The following PIAS1 variants were observed in gnomAD, a reference collection of about 807,000 sequenced individuals.
The protein encoded by PIAS1 is E3 SUMO-protein ligase PIAS1.
In PIAS1, 6 loss-of-function variants were observed where a neutral mutation model predicts 71.3. That is an observed-to-expected ratio of 0.08 (90% CI 0.05 to 0.17). The LOEUF (loss-of-function observed/expected upper bound fraction) is 0.17, where lower values mean the gene tolerates loss of function less well. PIAS1 is among the 10% of genes least tolerant of loss of function. The pLI is 1.00. For synonymous variants in PIAS1, 303 were observed against 292.9 expected (o/e 1.03, Z -0.35); for missense variants, 555 against 793.6 (o/e 0.70, Z 3.61).
intron 2 of PIAS1, among the ~76,000 whole-genome samples, chr15:68,140,993 G>C (rs2092766146): frequency 6.6e-6 from 1 of 152,194 alleles, no homozygotes; most frequent in South Asian, 2.1e-4. Context: ...GGGCTCATTA[G>C]TGAGCAAAAG....
chr15:68,143,933 C>A (rs778624749), intron 4 of PIAS1, among the ~76,000 whole-genome samples: 4 of 151,984 alleles, frequency 2.6e-5, no homozygotes, highest in African/African-American at 9.7e-5. Flanking sequence ...GTTTAAAAAC[C>A]GTAGCTTTAG....
intron 6 of PIAS1, among the ~76,000 whole-genome samples, chr15:68,150,321 G>A (rs1471263328): frequency 6.6e-6 from 1 of 151,944 alleles, no homozygotes; most frequent in Non-Finnish European, 1.5e-5. Flanking sequence ...CACTAGAGGA[G>A]GGGGGAAATA....
At chr15:68,060,485 C>A (rs1269132070) in intron 1 of PIAS1, among the ~76,000 whole-genome samples, 1 of 151,878 alleles carries the variant, frequency 6.6e-6, no homozygotes, top group African/African-American at 2.4e-5. Context: ...TGGTGGTGCG[C>A]ACCTGTAATC....
At chr15:68,126,247 C>T (rs1288259580) in intron 2 of PIAS1, among the ~76,000 whole-genome samples, 1 of 152,048 alleles carries the variant, frequency 6.6e-6, no homozygotes, top group Non-Finnish European at 1.5e-5. Context: ...CTCCTATTCC[C>T]AGACTAACCC....
chr15:68,182,496 T>TGTGTGTGG (rs2093061158), intron 12 of PIAS1, among the ~76,000 whole-genome samples: 1 of 149,264 alleles, frequency 6.7e-6, no homozygotes, highest in Non-Finnish European at 1.5e-5. Flanking sequence ...GCTGCGTGTG[T>TGTGTGTGG]GTGTGTGTGT....
At chr15:68,082,576 T>G (rs1326930376) in intron 1 of PIAS1, among the ~76,000 whole-genome samples, 2 of 152,142 alleles carry the variant, frequency 1.3e-5, no homozygotes, top group Non-Finnish European at 2.9e-5. Context: ...AGAGTAATCA[T>G]GATGTACTTT....
intron 2 of PIAS1, among the ~76,000 whole-genome samples, chr15:68,128,013 C>T (rs1196313543): frequency 6.6e-6 from 1 of 152,094 alleles, no homozygotes; most frequent in African/African-American, 2.4e-5. Flanking sequence ...GATCTGTGTG[C>T]CTCAGCCTCC....
chr15:68,117,154 A>G (rs2092572150), intron 2 of PIAS1, among the ~76,000 whole-genome samples: 1 of 152,004 alleles, frequency 6.6e-6, no homozygotes, highest in South Asian at 2.1e-4. Flanking sequence ...GTGGCATGAT[A>G]CTGTTTCACT....
At chr15:68,159,852 G>A (rs906629962) in intron 7 of PIAS1, among the ~76,000 whole-genome samples, 1 of 152,084 alleles carries the variant, frequency 6.6e-6, no homozygotes, top group Non-Finnish European at 1.5e-5. Flanking sequence ...ACCTAGGAGT[G>A]GGATTGCTGG....
intron 1 of PIAS1, among the ~76,000 whole-genome samples, chr15:68,071,911 G>A (rs1474069325): frequency 6.6e-6 from 1 of 151,894 alleles, no homozygotes; most frequent in African/African-American, 2.4e-5. Context: ...TCATGCTACT[G>A]CATTCCAACC....
At chr15:68,112,749 GCAA>G (rs1482968263) in intron 2 of PIAS1, among the ~76,000 whole-genome samples, 1 of 152,176 alleles carries the variant, frequency 6.6e-6, no homozygotes, top group African/African-American at 2.4e-5. Context: ...ATTTGGTTAT[GCAA>G]ATGAAAATTG....
In PIAS1 at chr15:68,193,609, G is replaced by C. The variant is rs1222356477; in HGVS notation, c.*5774G>C. On this transcript the variant is annotated 3_prime_UTR_variant, in exon 14 of 14. Transcript: ENST00000249636. ...AAGTCTCTTGGTAGATTGCCCTTAA[G>C]TCATCAGCTCAATCCTTCCTCAACA... 1 of 171,580 alleles carries C rather than the reference G, an allele frequency of 5.8e-6. No individual in the cohort carries two copies. Among genetic ancestry groups the C allele is most frequent in the African/African-American group, 2.4e-5 (1 of 42,020 alleles). 10.6% of individuals were successfully genotyped at this position (171,580 alleles called of 1,614,324 possible).
intron 1 of PIAS1, among the ~76,000 whole-genome samples, chr15:68,057,236 C>A (rs540545540): frequency 6.6e-6 from 1 of 152,100 alleles, no homozygotes; most frequent in Non-Finnish European, 1.5e-5. Context: ...ATTCTCTATG[C>A]ACATTTGTTT....
At chr15:68,152,660 T>C (rs1389026229) in intron 6 of PIAS1, among the ~76,000 whole-genome samples, 1 of 152,224 alleles carries the variant, frequency 6.6e-6, no homozygotes, top group Non-Finnish European at 1.5e-5. Flanking sequence ...AAGAATGCTT[T>C]GAAAAATGTG....
rs567702423 is a variant in PIAS1 at position 68,090,203 on chromosome 15, T to C, written c.469+3453T>C. ...CTTAAATTGTATTTAATAATAATAATAATTATTATTATTTTTTGAGACAGG... is the reference window on the plus strand; with the variant it reads ...CTTAAATTGTATTTAATAATAATAACAATTATTATTATTTTTTGAGACAGG... On this transcript the variant is annotated intron_variant, in intron 2 of 13. Coordinates refer to ENST00000249636, the MANE Select transcript of PIAS1 (RefSeq NM_016166.3). 7.3e-5 allele frequency among the ~76,000 whole-genome samples: 11 copies of C among 151,724 alleles called. No homozygotes were observed. In the East Asian group the frequency reaches 2.1e-3, roughly 29 times the overall value.
Position 68,191,489 on chromosome 15 carries a change from C to T in PIAS1, c.*3654C>T, listed in dbSNP as rs1365701565. 1 of 152,636 alleles carries T rather than the reference C, an allele frequency of 6.6e-6. No homozygotes were observed. The highest frequency in any genetic ancestry group is 1.5e-5 in the Non-Finnish European group (1 of 68,048). The allele number at this position is 152,636 out of a possible 1,614,324, so 9.5% of individuals were successfully genotyped here. ...ATTTGTCTTCTGTAAAATAACACTG[C>T]TGGATGTTCAAGGGGACAATCCCTA... On this transcript the variant is annotated 3_prime_UTR_variant, in exon 14 of 14. Transcript: ENST00000249636.
intron 2 of PIAS1, among the ~76,000 whole-genome samples, chr15:68,131,817 G>A (rs911254250): frequency 1.3e-5 from 2 of 152,060 alleles, no homozygotes; most frequent in African/African-American, 4.8e-5. Context: ...AATGAACATG[G>A]GAGTGTAGAC....
intron 2 of PIAS1, among the ~76,000 whole-genome samples, chr15:68,117,685 A>G (rs947083286): frequency 1.3e-5 from 2 of 152,072 alleles, no homozygotes; most frequent in Non-Finnish European, 2.9e-5. Context: ...AAAAGACAGG[A>G]TTTTATTCTT....
intron 2 of PIAS1, among the ~76,000 whole-genome samples, chr15:68,140,359 A>G (rs1312243191): frequency 6.6e-6 from 1 of 152,228 alleles, no homozygotes; most frequent in African/African-American, 2.4e-5. Context: ...CTACTGGACT[A>G]AAATCTTGAT....
Sources: gnomAD v4.1 joint callset for allele counts (sites outside exome capture counted in the v4.1 genomes callset) on GRCh38, gnomAD v4.1.1 for gene constraint, MANE v1.5 for transcripts, NCBI Gene and HGNC (gene_info 2026-07-23, HGNC 2026-07-21) for gene names.